NBEA: variants seen among roughly 807,000 people sequenced by gnomAD.
NBEA encodes neurobeachin.
Under a neutral mutation model 343.4 loss-of-function variants are expected in NBEA, and 44 were observed. That is an observed-to-expected ratio of 0.13 (90% CI 0.10 to 0.16). The LOEUF (loss-of-function observed/expected upper bound fraction) is 0.16. NBEA is among the 10% of genes least tolerant of loss of function. The pLI is 1.00. For missense variants in NBEA, 2,555 were observed against 3,631.3 expected (o/e 0.70, Z 7.62); for synonymous variants, 1,175 against 1,238.7 (o/e 0.95, Z 1.08).
intron 40 of NBEA, among the ~76,000 whole-genome samples, chr13:35,466,173 A>T (rs1322281456): frequency 6.6e-6 from 1 of 152,160 alleles, no homozygotes; most frequent in Non-Finnish European, 1.5e-5. Context: ...GTCTCATTTT[A>T]TACAATAATA....
chr13:35,587,543 A>C (rs2081345081), intron 46 of NBEA, among the ~76,000 whole-genome samples: 1 of 152,102 alleles, frequency 6.6e-6, no homozygotes, highest in Non-Finnish European at 1.5e-5. Flanking sequence ...TTCCTGAGAA[A>C]ATGTTATCAA....
chr13:35,648,180 CTTT>C (rs949635885), intron 51 of NBEA, among the ~76,000 whole-genome samples: 4 of 104,154 alleles, frequency 3.8e-5, no homozygotes, highest in Admixed American at 1.0e-4. Context: ...TGTTTAAACT[CTTT>C]TTTTTTTTTT....
In NBEA at chr13:35,654,976, G is replaced by T; in HGVS notation, c.8157G>T (p.Trp2719Cys). The T allele has an allele frequency of 6.4e-7, 1 of 1,559,080 alleles. No homozygotes were observed. The highest frequency in any genetic ancestry group is 8.6e-7 in the Non-Finnish European group (1 of 1,158,814). The change falls in exon 54 of 59, where the codon TGG becomes TGT. Residue 2719 changes from tryptophan (W) to cysteine (C), a missense_variant. Coordinates refer to ENST00000379939, the MANE Select transcript of NBEA (RefSeq NM_001385012.1). Reference sequence around the variant, plus strand: ...GCTATATTCTTATCTGTGGATTCTGGGATAAGAGCTTCAGAGTTTATTCTA... The same window carrying T: ...GCTATATTCTTATCTGTGGATTCTGTGATAAGAGCTTCAGAGTTTATTCTA... ...DNRYILICGF[W>C]DKSFRVYSTE...
At chr13:35,450,754 G>C (rs909156377) in intron 39 of NBEA, among the ~76,000 whole-genome samples, 2 of 152,168 alleles carry the variant, frequency 1.3e-5, no homozygotes, top group African/African-American at 4.8e-5. Flanking sequence ...CATTTTCCTA[G>C]TTAATGCTGC....
At chr13:35,031,743 G>A (rs1269398110) in intron 1 of NBEA, among the ~76,000 whole-genome samples, 12 of 151,342 alleles carry the variant, frequency 7.9e-5, no homozygotes, top group Admixed American at 7.3e-4. Flanking sequence ...TAATCACTCG[G>A]TTATGTATTA....
intron 38 of NBEA, among the ~76,000 whole-genome samples, chr13:35,422,542 C>G (rs961346455): frequency 2.0e-5 from 3 of 152,076 alleles, no homozygotes; most frequent in African/African-American, 7.2e-5. Flanking sequence ...TTAATCCAGT[C>G]TATCGTTGTT....
chr13:35,112,780 T>A (rs185878939), intron 13 of NBEA, among the ~76,000 whole-genome samples: 1 of 152,260 alleles, frequency 6.6e-6, no homozygotes, highest in East Asian at 1.9e-4. Context: ...CACCTACAGA[T>A]ATATACACAT....
At chr13:35,614,141 A>G (rs2082636041) in intron 48 of NBEA, among the ~76,000 whole-genome samples, 1 of 152,158 alleles carries the variant, frequency 6.6e-6, no homozygotes, top group South Asian at 2.1e-4. Flanking sequence ...GGCCATTTGT[A>G]TGTCTTCTTT....
chr13:35,485,248 T>C (rs1486380923), intron 41 of NBEA, among the ~76,000 whole-genome samples: 1 of 152,122 alleles, frequency 6.6e-6, no homozygotes, highest in African/African-American at 2.4e-5. Context: ...AGTTATGTAT[T>C]ATTTACAACC....
At chr13:35,618,474 T>C (rs2082837352) in intron 48 of NBEA, among the ~76,000 whole-genome samples, 1 of 152,208 alleles carries the variant, frequency 6.6e-6, no homozygotes, top group Non-Finnish European at 1.5e-5. Context: ...GACAATAACA[T>C]GTATGTAATT....
At chr13:35,324,493 A>G (rs1447240215) in intron 36 of NBEA, among the ~76,000 whole-genome samples, 2 of 152,198 alleles carry the variant, frequency 1.3e-5, no homozygotes, top group Non-Finnish European at 2.9e-5. Flanking sequence ...ACTGTTTTTT[A>G]ATTACAAAGG....
At chr13:35,103,235 C>A (rs1170405423) in intron 11 of NBEA, among the ~76,000 whole-genome samples, 3 of 151,788 alleles carry the variant, frequency 2.0e-5, no homozygotes, top group Non-Finnish European at 3.0e-5. Flanking sequence ...TACTCCTATT[C>A]CAACCTGGTT....
At chr13:35,567,104 G>A in intron 45 of NBEA, 87 bp downstream of exon 45, 1 of 632,680 alleles carries the variant, frequency 1.6e-6, no homozygotes, top group Admixed American at 2.8e-5. Flanking sequence ...GCCAGTTAAT[G>A]TTTGTAAGAA....
intron 33 of NBEA, among the ~76,000 whole-genome samples, chr13:35,217,178 T>C (rs2074110640): frequency 6.6e-6 from 1 of 152,036 alleles, no homozygotes; most frequent in South Asian, 2.1e-4. Context: ...TATGTCTCCT[T>C]CATGAATTGT....
chr13:35,510,023 T>C (rs1594840494), intron 41 of NBEA, among the ~76,000 whole-genome samples: 2 of 152,354 alleles, frequency 1.3e-5, no homozygotes, highest in South Asian at 4.1e-4. Flanking sequence ...CTGATCTGAA[T>C]ATGAAATTCT....
At chr13:35,190,414 C>T (rs1306115134) in intron 30 of NBEA, among the ~76,000 whole-genome samples, 3 of 152,020 alleles carry the variant, frequency 2.0e-5, no homozygotes, top group East Asian at 1.9e-4. Flanking sequence ...AAGAAGGAAG[C>T]GCAGGCTAAG....
intron 39 of NBEA, among the ~76,000 whole-genome samples, chr13:35,436,049 G>A (rs1303544995): frequency 6.6e-6 from 1 of 150,868 alleles, no homozygotes; most frequent in Non-Finnish European, 1.5e-5. Flanking sequence ...AATATTGTGG[G>A]AAGACTGGTT....
At chr13:35,460,340 T>C (rs2046831205) in intron 40 of NBEA, among the ~76,000 whole-genome samples, 1 of 152,224 alleles carries the variant, frequency 6.6e-6, no homozygotes, top group Non-Finnish European at 1.5e-5. Flanking sequence ...AATGAGGAAG[T>C]TGCTTTGCCA....
intron 40 of NBEA, among the ~76,000 whole-genome samples, chr13:35,462,472 A>G (rs1237334501): frequency 2.6e-5 from 4 of 152,172 alleles, no homozygotes; most frequent in African/African-American, 7.2e-5. Flanking sequence ...GTAGTTCTAA[A>G]TTACTTAGGT....
Sources: gnomAD v4.1 joint callset for allele counts (sites outside exome capture counted in the v4.1 genomes callset) on GRCh38, gnomAD v4.1.1 for gene constraint, MANE v1.5 for transcripts, NCBI Gene and HGNC (gene_info 2026-07-23, HGNC 2026-07-21) for gene names.